The following MYH10 variants were observed in gnomAD, a reference collection of about 807,000 sequenced individuals.
MYH10 encodes the protein myosin-10.
MYH10 carries 55 observed loss-of-function variants against 257.8 expected under a neutral mutation model. That is an observed-to-expected ratio of 0.21 (90% CI 0.17 to 0.27). The LOEUF (loss-of-function observed/expected upper bound fraction) is 0.27, where lower values mean the gene tolerates loss of function less well. Among genes scored for constraint, MYH10 ranks in the 10% least tolerant of loss-of-function variants. The pLI, the probability that MYH10 is intolerant of heterozygous loss-of-function variation, is 1.00. For missense variants in MYH10, 1,631 were observed against 2,500.6 expected, an observed-to-expected ratio of 0.65 and a Z score of 7.42; for synonymous variants, 854 against 921.7, an observed-to-expected ratio of 0.93 and a Z score of 1.33.
rs757464782 is a variant in MYH10, at chr17:8,475,901, T to C, written c.5927A>G (p.Gln1976Arg). The C allele has an allele frequency of 2.5e-6, 4 of 1,614,194 alleles. No individual in the cohort carries two copies. Among genetic ancestry groups the C allele is most frequent in the Admixed American group, 1.7e-5 (1 of 60,030 alleles). The change falls in exon 43 of 43, where the codon CAG becomes CGG. Residue 1976 changes from glutamine to arginine, a missense_variant. This residue lies in a region of MYH10 where 343 missense variants were observed against 389.5 expected (regional missense o/e 0.88). Coordinates refer to ENST00000360416, the MANE Select transcript of MYH10 (RefSeq NM_001256012.3). ...CAGGGAAGCTCCTTCAAGGTGCAGC[T>C]GGCGCCGGCCAGATCGGCTGGAAGA... ...SFSSSRSGRR[Q>R]LHLEGASLEL... is the part of the protein sequence containing the mutation.
intron 4 of MYH10, 33 bp downstream of exon 4, chr17:8,589,048 A>C: frequency 1.2e-6 from 2 of 1,610,738 alleles, no homozygotes; most frequent in Non-Finnish European, 1.7e-6. Flanking sequence ...CAAGAAAATC[A>C]AAAACAAATC....
At chr17:8,554,154 G>A (rs555418738) in intron 7 of MYH10, 136 bp from the exon 8 acceptor site, 3 of 518,074 alleles carry the variant, frequency 5.8e-6, no homozygotes, top group Non-Finnish European at 6.8e-6. Context: ...CAAACAAAAA[G>A]AAAAAAGAAG....
At position 8,477,051 on chromosome 17, in the gene MYH10, T is replaced by TG. The variant is rs771893916; in HGVS notation, c.5707-4dup. ...ATCCGAGCGTTGGCCTTCTCCATCTTGGGGAGGGTACATGAACCAAAACAA... is the reference window on the plus strand; with the variant it reads ...ATCCGAGCGTTGGCCTTCTCCATCTTGGGGGAGGGTACATGAACCAAAACAA... On this transcript the variant is annotated splice_region_variant and splice_polypyrimidine_tract_variant and intron_variant, in intron 41 of 42. Coordinates refer to ENST00000360416, the MANE Select transcript of MYH10 (RefSeq NM_001256012.3). This position sits in a 1 kb window ranked among gnomAD's most constrained non-coding sequence, Gnocchi z 4.2. 13 of 1,613,950 alleles carry TG rather than the reference T, an allele frequency of 8.1e-6. No individual in the cohort carries two copies. Among genetic ancestry groups the TG allele is most frequent in the South Asian group, 2.2e-5 (2 of 91,090 alleles).
intron 9 of MYH10, among the ~76,000 whole-genome samples, chr17:8,549,218 A>G (rs1231014057): frequency 6.6e-6 from 1 of 152,236 alleles, no homozygotes; most frequent in Non-Finnish European, 1.5e-5. Context: ...CTATGAAGTG[A>G]ATATGAAAAC....
intron 9 of MYH10, among the ~76,000 whole-genome samples, chr17:8,550,203 G>A (rs2082581947): frequency 6.6e-6 from 1 of 151,398 alleles, no homozygotes; most frequent in Non-Finnish European, 1.5e-5. Context: ...GGAAAGTGAG[G>A]AGCGTCTCCA....
At chr17:8,611,432 T>C (rs1056043330) in intron 2 of MYH10, among the ~76,000 whole-genome samples, 1 of 152,212 alleles carries the variant, frequency 6.6e-6, no homozygotes, top group Non-Finnish European at 1.5e-5. Flanking sequence ...GGAACCTCTG[T>C]GTGTCTATTT....
In MYH10 at chr17:8,487,511, G is replaced by T; in HGVS notation, c.4968C>A (p.Asp1656Glu). The change falls in exon 36 of 43, where the codon GAC becomes GAA. Residue 1656 changes from aspartate to glutamate, a missense_variant. Physicochemically the swap from Asp to Glu is conservative, Grantham distance 45. This residue lies in a region of MYH10 where 463 missense variants were observed against 621.8 expected (regional missense o/e 0.74). Coordinates refer to ENST00000360416, the MANE Select transcript of MYH10 (RefSeq NM_001256012.3). The part of the protein sequence containing the change: ...AVASKKKMEI[D>E]LKDLEAQIEA... The stretch of plus-strand genomic sequence containing the variant: ...CGATTTGGGCTTCGAGGTCCTTCAG[G>T]TCTATCTCCATCTTTTTCTTTGAAG... 6.2e-7 allele frequency: 1 copy of T among 1,614,128 alleles called. No homozygotes were observed. Among genetic ancestry groups the T allele is most frequent in the Non-Finnish European group, 8.5e-7 (1 of 1,180,024 alleles).
chr17:8,539,598 C>A (rs935977488), intron 14 of MYH10, among the ~76,000 whole-genome samples: 1 of 151,350 alleles, frequency 6.6e-6, no homozygotes, highest in African/African-American at 2.4e-5. Flanking sequence ...AAATTCTTTT[C>A]TTTTTTTTTG....
At chr17:8,572,720 C>T (rs1429838926) in intron 6 of MYH10, among the ~76,000 whole-genome samples, 2 of 152,090 alleles carry the variant, frequency 1.3e-5, no homozygotes, top group African/African-American at 4.8e-5. Context: ...TCCTCCGTCC[C>T]TGTTGCTGGT....
chr17:8,505,203 A>C (rs1274413942), intron 27 of MYH10, among the ~76,000 whole-genome samples: 1 of 152,278 alleles, frequency 6.6e-6, no homozygotes, highest in African/African-American at 2.4e-5. Flanking sequence ...CTCTTACTTT[A>C]GCCCTTAGAA....
intron 31 of MYH10, among the ~76,000 whole-genome samples, chr17:8,494,739 C>T (rs1478954312): frequency 6.6e-6 from 1 of 152,238 alleles, no homozygotes; most frequent in Non-Finnish European, 1.5e-5. Flanking sequence ...TAAGCCTCAA[C>T]TCACCCTTTT....
chr17:8,606,214 C>T (rs1413540169), intron 2 of MYH10, among the ~76,000 whole-genome samples: 1 of 152,014 alleles, frequency 6.6e-6, no homozygotes, highest in Non-Finnish European at 1.5e-5. Context: ...CAGAATTGAC[C>T]CTATGAATGC....
At position 8,504,981 on chromosome 17, in the gene MYH10, C is replaced by T; in HGVS notation, c.3387-75G>A. The T allele has an allele frequency of 8.1e-7, 1 of 1,233,304 alleles. No homozygotes were observed. Among genetic ancestry groups the T allele is most frequent in the Non-Finnish European group, 1.2e-6 (1 of 847,330 alleles). 76.4% of individuals were successfully genotyped at this position (1,233,304 alleles called of 1,614,324 possible). A position where few individuals can be genotyped will look rare whatever the true frequency, so the allele number is the denominator to read the frequency against. On this transcript the variant is annotated intron_variant, in intron 27 of 42. Coordinates refer to ENST00000360416, the MANE Select transcript of MYH10 (RefSeq NM_001256012.3). This position sits in a 1 kb window ranked among gnomAD's most constrained non-coding sequence, Gnocchi z 5.6. The stretch of plus-strand genomic sequence containing the variant: ...GCCTGTTTCTCAGGCGAGCCCCAGC[C>T]CCTGAGCACCTCTCCACGAGACCCC...
In MYH10 at chr17:8,604,890, C is replaced by T. The variant is rs956072107; in HGVS notation, c.438G>A (p.Lys146=). Residue 146 remains lysine, a synonymous_variant, in exon 3 of 43, where the codon AAG becomes AAA. Transcript: ENST00000360416. ...AGATGTGTGGAGGCATCTCATGACG[C>T]TTCTTCCCTCTGTACATTTCAATAA... is the stretch of plus-strand genomic sequence containing the variant. The part of the protein sequence containing the change: ...ENIIEMYRGK[K]RHEMPPHIYA... 1.2e-6 allele frequency: 2 copies of T among 1,605,918 alleles called. No homozygotes were observed. Among genetic ancestry groups the T allele is most frequent in the Admixed American group, 1.7e-5 (1 of 59,616 alleles).
chr17:8,476,930 G>A lies in MYH10; in HGVS notation c.5825C>T (p.Thr1942Ile), dbSNP rs1251720180. ...GCGGCTCAGGCCCTCGTTGGCCTCG[G>A]TGGCATCATCCAGTTCCCGCTGGAG... ...RKLQRELDDA[T>I]EANEGLSREV... is the part of the protein sequence containing the mutation. Residue 1942 changes from threonine (T) to isoleucine (I), a missense_variant, in exon 42 of 43, where the codon ACC becomes ATC. This residue lies in a region of MYH10 where 343 missense variants were observed against 389.5 expected (regional missense o/e 0.88). Transcript: ENST00000360416. 6.2e-7 allele frequency: 1 copy of A among 1,613,578 alleles called. No individual in the cohort carries two copies. The highest frequency in any genetic ancestry group is 1.7e-5 in the Admixed American group (1 of 60,030).
intron 19 of MYH10, 93 bp from the exon 20 acceptor site, chr17:8,519,043 G>A: frequency 1.1e-6 from 1 of 905,830 alleles, no homozygotes; most frequent in Non-Finnish European, 1.7e-6. Flanking sequence ...GCAATAAAAT[G>A]TTGGGTAATA....
chr17:8,497,629 C>T lies in MYH10; in HGVS notation c.3951+1641G>A, dbSNP rs1916835231. On this transcript the variant is annotated intron_variant, in intron 30 of 42. Coordinates refer to ENST00000360416, the MANE Select transcript of MYH10 (RefSeq NM_001256012.3). ...TGGCGGGTGCCTGTAGTCCCAGCTA[C>T]CCAGGAGGCTGAGGCAGGAGAATTG... Among the ~76,000 whole-genome samples the T allele has an allele frequency of 2.0e-5, 3 of 149,372 alleles. No homozygotes were observed. The Admixed American group carries it at 2.0e-4, about 10-fold the overall frequency.
intron 14 of MYH10, among the ~76,000 whole-genome samples, chr17:8,541,058 A>C (rs2082276743): frequency 6.6e-6 from 1 of 152,182 alleles, no homozygotes; most frequent in South Asian, 2.1e-4. Context: ...CTTTCCTTAA[A>C]CTCAAATTTC....
Position 8,487,479 on chromosome 17 carries a change from G to T in MYH10, c.5000C>A (p.Ala1667Glu). The T allele has an allele frequency of 6.2e-7, 1 of 1,614,166 alleles. No homozygotes were observed. Residue 1667 changes from alanine to glutamate, a missense_variant, in exon 36 of 43, where the codon GCG becomes GAG. Coordinates refer to ENST00000360416, the MANE Select transcript of MYH10 (RefSeq NM_001256012.3). ...LKDLEAQIEA[A>E]NKARDEVIKQ... The stretch of plus-strand genomic sequence containing the variant: ...AATCACCTCATCCCGAGCTTTGTTC[G>T]CAGCCTCGATTTGGGCTTCGAGGTC...
Sources: gnomAD v4.1 joint callset for allele counts (sites outside exome capture counted in the v4.1 genomes callset) on GRCh38, gnomAD v4.1.1 for gene constraint, gnomAD v4.1.1 regional missense constraint, Gnocchi (gnomAD v3.1) non-coding constraint, MANE v1.5 for transcripts, NCBI Gene and HGNC (gene_info 2026-07-23, HGNC 2026-07-21) for gene names.